The following SIRT1 variants were observed in gnomAD, a reference collection of about 807,000 sequenced individuals.
The protein encoded by SIRT1 is NAD-dependent protein deacetylase sirtuin-1.
In SIRT1, 24 loss-of-function variants were observed where a neutral mutation model predicts 67.9. The observed-to-expected ratio is 0.35, with a 90% CI of 0.26 to 0.50. The LOEUF is 0.50. Among genes scored for constraint, SIRT1 ranks in the 20% least tolerant of loss-of-function variants. The probability of loss-of-function intolerance (pLI) is 0.98; values close to 1 mark genes in which losing one functional copy is unlikely to be tolerated. For synonymous variants in SIRT1, 378 were observed against 350.7 expected (o/e 1.08, Z -0.87); for missense variants, 873 against 937.2 (o/e 0.93, Z 0.89).
intron 4 of SIRT1, among the ~76,000 whole-genome samples, chr10:67,901,650 A>G (rs904425973): frequency 6.6e-6 from 1 of 152,252 alleles, no homozygotes; most frequent in Non-Finnish European, 1.5e-5. Context: ...TGCTTATGTT[A>G]TACGTGGTAC....
intron 1 of SIRT1, 22 bp downstream of exon 1, chr10:67,885,173 G>A (rs1418817497): frequency 7.4e-7 from 1 of 1,357,596 alleles, no homozygotes; most frequent in Non-Finnish European, 9.6e-7. Flanking sequence ...GCGGGCGGCC[G>A]GAACTGCGCA....
chr10:67,889,048 A>C lies in SIRT1; in HGVS notation c.714A>C (p.Lys238Asn). Residue 238 changes from lysine (K) to asparagine (N), a missense_variant, in exon 3 of 9, where the codon AAA (lysine) becomes AAC (asparagine). Around this residue, in one of 3 missense-constraint regions of SIRT1, gnomAD observed 251 missense variants for 358.8 expected, o/e 0.70. Coordinates refer to ENST00000212015, the MANE Select transcript of SIRT1 (RefSeq NM_012238.5). ...LSEPPKRKKR[K>N]DINTIEDAVK... Reference sequence around the variant, plus strand: ...AACCACCAAAAAGGAAAAAAAGAAAAGATATTAATACAATTGAAGATGCTG... The same window carrying C: ...AACCACCAAAAAGGAAAAAAAGAAACGATATTAATACAATTGAAGATGCTG... 6.2e-7 allele frequency: 1 copy of C among 1,612,494 alleles called. No individual in the cohort carries two copies. Among genetic ancestry groups the C allele is most frequent in the Non-Finnish European group, 8.5e-7 (1 of 1,179,768 alleles).
In SIRT1 at chr10:67,888,981, A is replaced by G; in HGVS notation, c.647A>G (p.Asp216Gly). Residue 216 changes from aspartate to glycine, a missense_variant, in exon 3 of 9, where the codon GAT (aspartate) becomes GGT (glycine). Transcript: ENST00000212015. ...LPETIPPPEL[D>G]DMTLWQIVIN... ...GAAACAATACCTCCACCTGAGTTGG[A>G]TGATATGACACTGTGGCAGATTGTT... 6.2e-7 allele frequency: 1 copy of G among 1,614,010 alleles called. No homozygotes were observed. The highest frequency in any genetic ancestry group is 8.5e-7 in the Non-Finnish European group (1 of 1,179,948).
chr10:67,906,155 T>C, intron 4 of SIRT1: 1 of 1,344,838 alleles, frequency 7.4e-7, no homozygotes, highest in Non-Finnish European at 9.6e-7. Flanking sequence ...AATTCTTTGT[T>C]TTTAAAGAAG....
intron 7 of SIRT1, among the ~76,000 whole-genome samples, chr10:67,910,811 GT>G (rs753627047): frequency 5.9e-5 from 9 of 152,136 alleles, no homozygotes; most frequent in Non-Finnish European, 1.3e-4. Context: ...CATACTGTCT[GT>G]TTCCTCCTCT....
intron 7 of SIRT1, among the ~76,000 whole-genome samples, chr10:67,910,704 C>T (rs969152887): frequency 6.6e-6 from 1 of 152,042 alleles, no homozygotes; most frequent in African/African-American, 2.4e-5. Context: ...GGTGATATGT[C>T]GATATAGTTT....
intron 4 of SIRT1, among the ~76,000 whole-genome samples, chr10:67,904,548 T>C (rs546786093): frequency 6.6e-6 from 1 of 152,158 alleles, no homozygotes; most frequent in Non-Finnish European, 1.5e-5. Context: ...TTCTCACATA[T>C]GTAAAACGTA....
chr10:67,886,306 G>T (rs1412717975), intron 1 of SIRT1, among the ~76,000 whole-genome samples: 4 of 151,498 alleles, frequency 2.6e-5, no homozygotes, highest in Non-Finnish European at 4.4e-5. Context: ...TCAATATTTG[G>T]GTCAGGCCGG....
chr10:67,895,743 T>TTG (rs1405888223), intron 4 of SIRT1, among the ~76,000 whole-genome samples: 1 of 89,116 alleles, frequency 1.1e-5, no homozygotes, highest in Non-Finnish European at 2.3e-5. Context: ...GTTTTTTTTT[T>TTG]TTTTGTTTTT....
At chr10:67,900,019 G>A (rs2131867704) in intron 4 of SIRT1, among the ~76,000 whole-genome samples, 1 of 152,252 alleles carries the variant, frequency 6.6e-6, no homozygotes, top group African/African-American at 2.4e-5. Context: ...GGGAGGCGGA[G>A]ATTGCAGTGA....
intron 3 of SIRT1, 68 bp from the exon 4 acceptor site, chr10:67,891,334 A>T: frequency 2.1e-6 from 3 of 1,410,786 alleles, no homozygotes; most frequent in Non-Finnish European, 2.9e-6. Flanking sequence ...ATTATATGGT[A>T]AGAGAGCTAG....
rs570635407 is a variant in SIRT1, at chr10:67,891,291, C to T, written c.790-111C>T. 5 of 872,922 alleles carry T rather than the reference C, an allele frequency of 5.7e-6. 1 individual carries two copies. In the South Asian group the frequency reaches 9.7e-5, roughly 17 times the overall value. 54.1% of individuals were successfully genotyped at this position (872,922 alleles called of 1,614,324 possible). A position where few individuals can be genotyped will look rare whatever the true frequency, so the allele number is the denominator to read the frequency against. On this transcript the variant is annotated intron_variant, in intron 3 of 8. Transcript: ENST00000212015. ...TATTTTTATTTCTTAAAAGAAGTTT[C>T]AGACTAAAATTTTCTTTCTCAACTC... is the stretch of plus-strand genomic sequence containing the variant.
intron 4 of SIRT1, chr10:67,906,321 C>T (rs1267255419): frequency 1.3e-6 from 2 of 1,546,696 alleles, no homozygotes; most frequent in South Asian, 2.5e-5. Context: ...AAACTTCCAG[C>T]AGGTTGATAT....
chr10:67,906,741 G>A (rs200979158), intron 4 of SIRT1, 49 bp from the exon 5 acceptor site: 7 of 1,556,398 alleles, frequency 4.5e-6, no homozygotes, highest in African/African-American at 2.7e-5. Flanking sequence ...TATGACATCT[G>A]TAGTTTATTT....
intron 3 of SIRT1, 97 bp downstream of exon 3, chr10:67,889,220 C>A: frequency 1.5e-6 from 2 of 1,325,336 alleles, no homozygotes; most frequent in Admixed American, 4.6e-5. Flanking sequence ...TTTATCCTTA[C>A]ATGATAATGG....
intron 4 of SIRT1, among the ~76,000 whole-genome samples, chr10:67,902,050 G>A (rs987121381): frequency 1.6e-4 from 24 of 152,142 alleles, no homozygotes; most frequent in East Asian, 5.8e-4. Context: ...GTGCAGTGGC[G>A]CTATCTTGGC....
In SIRT1 at chr10:67,903,600, G is replaced by T. The variant is rs140662758; in HGVS notation, c.943-3190G>T. Among the ~76,000 whole-genome samples, 8 of 152,132 alleles carry T rather than the reference G, an allele frequency of 5.3e-5. No homozygotes were observed. In the East Asian group the frequency reaches 1.5e-3, roughly 29 times the overall value. On this transcript the variant is annotated intron_variant, in intron 4 of 8. Coordinates refer to ENST00000212015, the MANE Select transcript of SIRT1 (RefSeq NM_012238.5). The stretch of plus-strand genomic sequence containing the variant: ...GACGGGGTTTCACCATCTTAGCCAG[G>T]ATGGTCTCGATCTTCTGACCTTGTG...
intron 4 of SIRT1, among the ~76,000 whole-genome samples, chr10:67,901,701 T>C (rs1024974494): frequency 2.0e-5 from 3 of 152,404 alleles, no homozygotes; most frequent in South Asian, 2.1e-4. Flanking sequence ...GTTTAACTAA[T>C]TGACATTCTC....
At chr10:67,892,960 T>C (rs761319020) in intron 4 of SIRT1, among the ~76,000 whole-genome samples, 27 of 152,254 alleles carry the variant, frequency 1.8e-4, no homozygotes, top group Non-Finnish European at 2.9e-4. Context: ...TCTCACATTA[T>C]GTACCTATTG....
Sources: gnomAD v4.1 joint callset for allele counts (sites outside exome capture counted in the v4.1 genomes callset) on GRCh38, gnomAD v4.1.1 for gene constraint, gnomAD v4.1.1 regional missense constraint, MANE v1.5 for transcripts, NCBI Gene and HGNC (gene_info 2026-07-23, HGNC 2026-07-21) for gene names.